Variants in OLFM3 observed in about 807,000 individuals in gnomAD.
The protein encoded by OLFM3 is noelin-3.
OLFM3 carries 20 observed loss-of-function variants against 48.6 expected under a neutral mutation model. The ratio of observed to expected loss-of-function variants is 0.41; its 90% CI spans 0.29 to 0.60. The LOEUF is 0.60. Ranked by LOEUF, OLFM3 falls within the 20% of genes least tolerant of loss-of-function variation. The pLI is 0.28. For missense variants in OLFM3, 437 were observed against 544.3 expected (o/e 0.80, Z 1.96); for synonymous variants, 222 against 198.1 (o/e 1.12, Z -1.01).
intron 1 of OLFM3, among the ~76,000 whole-genome samples, chr1:101,940,965 T>C (rs1659776126): frequency 6.6e-6 from 1 of 152,134 alleles, no homozygotes; most frequent in Non-Finnish European, 1.5e-5. Flanking sequence ...TACTGGTGGA[T>C]ACATTTGTAC....
intron 1 of OLFM3, among the ~76,000 whole-genome samples, chr1:101,913,782 CATT>C (rs1399351030): frequency 6.6e-6 from 1 of 151,840 alleles, no homozygotes; most frequent in Admixed American, 6.6e-5. Flanking sequence ...CCCCCATCAT[CATT>C]AAGACTGGAA....
chr1:101,808,613 G>C (rs1231162199), intron 4 of OLFM3, among the ~76,000 whole-genome samples: 1 of 151,740 alleles, frequency 6.6e-6, no homozygotes, highest in Non-Finnish European at 1.5e-5. Context: ...AACTGTGTTG[G>C]TGATCTGAGT....
intron 1 of OLFM3, among the ~76,000 whole-genome samples, chr1:101,846,076 A>G (rs1197986809): frequency 6.6e-6 from 1 of 152,240 alleles, no homozygotes; most frequent in Non-Finnish European, 1.5e-5. Flanking sequence ...TTCAAAAAAC[A>G]ATAGTTTTCA....
At chr1:101,925,279 T>G (rs963658773) in intron 1 of OLFM3, among the ~76,000 whole-genome samples, 2 of 151,998 alleles carry the variant, frequency 1.3e-5, no homozygotes, top group African/African-American at 4.8e-5. Flanking sequence ...AATATTTGTA[T>G]TTTCCTTGTA....
In OLFM3 at chr1:101,914,970, T is replaced by A. The variant is rs573218081; in HGVS notation, c.70-77945A>T. Among the ~76,000 whole-genome samples the A allele has an allele frequency of 2.0e-5, 3 of 152,304 alleles. No homozygotes were observed. The South Asian group carries it at 6.2e-4, about 32-fold the overall frequency. On this transcript the variant is annotated intron_variant, in intron 1 of 5. Coordinates refer to ENST00000370103, the MANE Select transcript of OLFM3 (RefSeq NM_058170.4). ...CTTGATGAAGATACTTCACTTTTTA[T>A]CTTGATTTCATTCCTCACTTGCCCT...
rs115539676 is a variant in OLFM3 at position 101,895,325 on chromosome 1, G to A, written c.70-58300C>T. On this transcript the variant is annotated intron_variant, in intron 1 of 5. Coordinates refer to ENST00000370103, the MANE Select transcript of OLFM3 (RefSeq NM_058170.4). The stretch of plus-strand genomic sequence containing the variant: ...CTCTGTTGCTAGAGATAAGTTATGC[G>A]TATCAGCACACTCTGACAAAATTAC... Among the ~76,000 whole-genome samples the A allele has an allele frequency of 9.9e-3, 1,502 of 151,648 alleles. 35 individuals carry two copies. The highest frequency in any genetic ancestry group is 0.034 in the African/African-American group (1,394 of 41,358).
intron 1 of OLFM3, among the ~76,000 whole-genome samples, chr1:101,898,888 C>G: frequency 6.6e-6 from 1 of 152,056 alleles, no homozygotes; most frequent in Non-Finnish European, 1.5e-5. Flanking sequence ...AATTGAATGA[C>G]AGCAGTACAA....
At chr1:101,940,810 T>C (rs1050958786) in intron 1 of OLFM3, among the ~76,000 whole-genome samples, 2 of 151,788 alleles carry the variant, frequency 1.3e-5, no homozygotes, top group African/African-American at 4.8e-5. Context: ...CTTAACTATG[T>C]AGCTATATCC....
intron 1 of OLFM3, among the ~76,000 whole-genome samples, chr1:101,957,709 G>T (rs557761063): frequency 1.9e-4 from 29 of 152,002 alleles, no homozygotes; most frequent in Non-Finnish European, 4.4e-5. Flanking sequence ...TCTGGGAAGA[G>T]GCTGAATAAT....
At chr1:101,863,632 G>A (rs1981158) in intron 1 of OLFM3, among the ~76,000 whole-genome samples, 59,142 of 151,912 alleles carry the variant, frequency 0.39, 12,948 homozygotes, top group Non-Finnish European at 0.5. Context: ...ACGCTTATTC[G>A]TAAAAATATC....
intron 1 of OLFM3, among the ~76,000 whole-genome samples, chr1:101,975,436 T>A (rs1011692218): frequency 3.3e-5 from 5 of 152,238 alleles, no homozygotes; most frequent in Admixed American, 2.6e-4. Flanking sequence ...TTTCAGTTTT[T>A]AAAATATATC....
intron 1 of OLFM3, among the ~76,000 whole-genome samples, chr1:101,851,014 A>G (rs897593566): frequency 1.3e-5 from 2 of 152,134 alleles, no homozygotes; most frequent in Non-Finnish European, 2.9e-5. Flanking sequence ...TGACCTCTAG[A>G]AAAAAACAGT....
At chr1:101,982,643 G>A (rs986058593) in intron 1 of OLFM3, among the ~76,000 whole-genome samples, 1 of 152,152 alleles carries the variant, frequency 6.6e-6, no homozygotes, top group African/African-American at 2.4e-5. Context: ...TCTGGTGCAG[G>A]CCTGCATAGA....
At chr1:101,824,533 G>T (rs1223861105) in intron 4 of OLFM3, among the ~76,000 whole-genome samples, 1 of 151,966 alleles carries the variant, frequency 6.6e-6, no homozygotes. Flanking sequence ...GCAGTTGATG[G>T]CAATTCTGTA....
At chr1:101,926,773 T>C (rs1309872338) in intron 1 of OLFM3, among the ~76,000 whole-genome samples, 1 of 152,176 alleles carries the variant, frequency 6.6e-6, no homozygotes, top group Non-Finnish European at 1.5e-5. Context: ...ACTAGTTGTT[T>C]ACACTTCACA....
At chr1:101,861,966 C>A (rs1656673907) in intron 1 of OLFM3, among the ~76,000 whole-genome samples, 1 of 152,068 alleles carries the variant, frequency 6.6e-6, no homozygotes, top group Admixed American at 6.6e-5. Flanking sequence ...AAGGAAGAAA[C>A]AGGGTTAAAA....
In OLFM3 at chr1:101,960,724, A is replaced by G. The variant is rs879447719; in HGVS notation, c.69+36024T>C. Among the ~76,000 whole-genome samples the G allele has an allele frequency of 2.2e-4, 33 of 152,120 alleles. 1 individual carries two copies. The highest frequency in any genetic ancestry group is 1.9e-3 in the Admixed American group (29 of 15,252). On this transcript the variant is annotated intron_variant, in intron 1 of 5. Transcript: ENST00000370103. ...TTGGCACATTCTTAGGCTTTATAATATCTTCAGTCAGGGTATCTCAACCCC... is the reference window on the plus strand; with the variant it reads ...TTGGCACATTCTTAGGCTTTATAATGTCTTCAGTCAGGGTATCTCAACCCC...
intron 1 of OLFM3, among the ~76,000 whole-genome samples, chr1:101,862,294 C>T (rs749415728): frequency 2.6e-5 from 4 of 152,098 alleles, no homozygotes; most frequent in Admixed American, 6.6e-5. Context: ...TTCTAATAGT[C>T]TGTGATTTTA....
At chr1:101,949,434 G>A (rs1473321373) in intron 1 of OLFM3, among the ~76,000 whole-genome samples, 2 of 152,122 alleles carry the variant, frequency 1.3e-5, no homozygotes, top group Non-Finnish European at 2.9e-5. Context: ...CTTATCTCAC[G>A]GTAGGTCAGC....
Sources: gnomAD v4.1 joint callset for allele counts (sites outside exome capture counted in the v4.1 genomes callset) on GRCh38, gnomAD v4.1.1 for gene constraint, MANE v1.5 for transcripts, NCBI Gene and HGNC (gene_info 2026-07-23, HGNC 2026-07-21) for gene names.